PSMA5: variants seen among roughly 807,000 people sequenced by gnomAD.
PSMA5 encodes the protein proteasome 20S subunit alpha 5, also known as proteasome subunit alpha type-5.
Under a neutral mutation model 34.5 loss-of-function variants are expected in PSMA5, and 3 were observed. The ratio of observed to expected loss-of-function variants is 0.09; its 90% CI spans 0.04 to 0.22. The LOEUF (loss-of-function observed/expected upper bound fraction) is 0.22. Ranked by LOEUF, PSMA5 falls within the 10% of genes least tolerant of loss-of-function variation. The pLI is 1.00. For synonymous variants in PSMA5, 88 were observed against 95.8 expected (o/e 0.92, Z 0.47); for missense variants, 120 against 286.1 (o/e 0.42, Z 4.19).
At chr1:109,404,543 C>T (rs1028310153) in intron 8 of PSMA5, among the ~76,000 whole-genome samples, 5 of 152,028 alleles carry the variant, frequency 3.3e-5, no homozygotes, top group East Asian at 1.9e-4. Context: ...AGAACTGGAA[C>T]GCAAATCAAT....
intron 2 of PSMA5, among the ~76,000 whole-genome samples, chr1:109,417,187 C>T (rs1654242790): frequency 6.6e-6 from 1 of 152,144 alleles, no homozygotes; most frequent in African/African-American, 2.4e-5. Context: ...CCACGCCTTC[C>T]TTAAGTCTAT....
At position 109,426,380 on chromosome 1, in the gene PSMA5, A is replaced by G. The variant is rs760604409; in HGVS notation, c.-50T>C. 8 of 1,608,568 alleles carry G rather than the reference A, an allele frequency of 5.0e-6. No individual in the cohort carries two copies. In the African/African-American group the frequency reaches 9.4e-5, roughly 19 times the overall value. On this transcript the variant is annotated 5_prime_UTR_variant, in exon 1 of 9. Coordinates refer to ENST00000271308, the MANE Select transcript of PSMA5 (RefSeq NM_002790.4). Reference sequence around the variant, plus strand: ...CTACGCGGGGATTCTGAGGACCAACACGACTCCACCGGCACCCAACTCACC... The same window carrying G: ...CTACGCGGGGATTCTGAGGACCAACGCGACTCCACCGGCACCCAACTCACC...
intron 8 of PSMA5, among the ~76,000 whole-genome samples, chr1:109,408,696 T>C (rs75565154): frequency 3.0e-5 from 4 of 132,566 alleles, no homozygotes; most frequent in Non-Finnish European, 6.9e-5. Context: ...TTCTTTCAGC[T>C]TTTTTTTTTT....
At position 109,416,997 on chromosome 1, in the gene PSMA5, C is replaced by T. The variant is rs1167092524; in HGVS notation, c.97-1634G>A. On this transcript the variant is annotated intron_variant, in intron 2 of 8. Coordinates refer to ENST00000271308, the MANE Select transcript of PSMA5 (RefSeq NM_002790.4). ...GCGTATGCCTGTACTCCCAGCTACG[C>T]GGAAGGCTGAAACGGTAGGACTGCT... 7.2e-5 allele frequency among the ~76,000 whole-genome samples: 11 copies of T among 152,102 alleles called. No individual in the cohort carries two copies. The East Asian group carries it at 1.2e-3, about 16-fold the overall frequency.
At chr1:109,412,451 T>C (rs1654030781) in intron 4 of PSMA5, 1 of 350,632 alleles carries the variant, frequency 2.9e-6, no homozygotes, top group Non-Finnish European at 5.3e-6. Flanking sequence ...GCACCAAGTT[T>C]ACTCTTTCAA....
intron 6 of PSMA5, among the ~76,000 whole-genome samples, chr1:109,411,570 A>C (rs1406802421): frequency 6.6e-6 from 1 of 152,050 alleles, no homozygotes; most frequent in Non-Finnish European, 1.5e-5. Context: ...ATATATGTAT[A>C]TACATACACA....
rs757922588 is a variant in PSMA5 at position 109,402,007 on chromosome 1, G to T, written c.*6C>A. 1 of 1,596,416 alleles carries T rather than the reference G, an allele frequency of 6.3e-7. No homozygotes were observed. Among genetic ancestry groups the T allele is most frequent in the African/African-American group, 1.3e-5 (1 of 74,440 alleles). On this transcript the variant is annotated 3_prime_UTR_variant, in exon 9 of 9. Transcript: ENST00000271308. ...GTCCCAGAGAAGTTCTGAGGATCAG[G>T]ATTCCTTAAATGTCCTTGATAACCT...
rs1194474021 is a variant in PSMA5, at chr1:109,413,154, A to G, written c.224-19T>C. ...GCACAACCTGCAATGTAAAAGCGACAGTGACCCAGTGGCCAAATCCTTGTA... is the reference window on the plus strand; with the variant it reads ...GCACAACCTGCAATGTAAAAGCGACGGTGACCCAGTGGCCAAATCCTTGTA... On this transcript the variant is annotated intron_variant, in intron 3 of 8. Coordinates refer to ENST00000271308, the MANE Select transcript of PSMA5 (RefSeq NM_002790.4). 1 of 1,611,386 alleles carries G rather than the reference A, an allele frequency of 6.2e-7. No individual in the cohort carries two copies. The highest frequency in any genetic ancestry group is 8.5e-7 in the Non-Finnish European group (1 of 1,177,586).
At position 109,400,797 on chromosome 1, in the gene PSMA5, A is replaced by G. The variant is rs1285793175; in HGVS notation, c.*1216T>C. 6.6e-6 allele frequency: 1 copy of G among 152,216 alleles called. No homozygotes were observed. Among genetic ancestry groups the G allele is most frequent in the African/African-American group, 2.4e-5 (1 of 41,458 alleles). The allele number at this position is 152,216 out of a possible 1,614,324, so 9.4% of individuals were successfully genotyped here. A position where few individuals can be genotyped will look rare whatever the true frequency, so the allele number is the denominator to read the frequency against. Reference sequence around the variant, plus strand: ...TAACATATAGTACAACTTCCTACACATCAATATACCCAGAGCCCAGCAAAT... The same window carrying G: ...TAACATATAGTACAACTTCCTACACGTCAATATACCCAGAGCCCAGCAAAT... On this transcript the variant is annotated 3_prime_UTR_variant, in exon 9 of 9. Transcript: ENST00000271308.
chr1:109,408,421 C>T (rs1358760799), intron 8 of PSMA5, among the ~76,000 whole-genome samples: 1 of 152,198 alleles, frequency 6.6e-6, no homozygotes, highest in Non-Finnish European at 1.5e-5. Flanking sequence ...TACATACTCA[C>T]AGGAATCTGT....
rs563921312 is a variant in PSMA5 at position 109,417,169 on chromosome 1, C to T, written c.97-1806G>A. 2.6e-5 allele frequency among the ~76,000 whole-genome samples: 4 copies of T among 152,276 alleles called. No homozygotes were observed. The South Asian group carries it at 8.3e-4, about 32-fold the overall frequency. ...TTAAAGGTGCAGACTAAAGACATAACATTAGTTCCACGCCTTCCTTAAGTC... is the reference window on the plus strand; with the variant it reads ...TTAAAGGTGCAGACTAAAGACATAATATTAGTTCCACGCCTTCCTTAAGTC... On this transcript the variant is annotated intron_variant, in intron 2 of 8. Coordinates refer to ENST00000271308, the MANE Select transcript of PSMA5 (RefSeq NM_002790.4).
At chr1:109,425,657 G>A (rs1654625201) in intron 1 of PSMA5, 1 of 152,478 alleles carries the variant, frequency 6.6e-6, no homozygotes, top group South Asian at 2.0e-4. Context: ...GCATATATAT[G>A]TACAACTTAA....
At chr1:109,414,679 T>C (rs1344671310) in intron 3 of PSMA5, 2 of 152,250 alleles carry the variant, frequency 1.3e-5, no homozygotes, top group Non-Finnish European at 2.9e-5. Flanking sequence ...AGAGTCACCA[T>C]GGCATTTGGT....
chr1:109,425,130 CCAGCACCTAGAA>C (rs1212599948), intron 1 of PSMA5, among the ~76,000 whole-genome samples: 2 of 152,222 alleles, frequency 1.3e-5, no homozygotes, highest in Non-Finnish European at 2.9e-5. Context: ...TGCTGTAGCA[CCAGCACCTAGAA>C]CAGTGCCTTG....
intron 6 of PSMA5, 93 bp from the exon 7 acceptor site, chr1:109,411,206 C>T (rs1653975740): frequency 1.2e-6 from 1 of 812,472 alleles, no homozygotes; most frequent in East Asian, 2.7e-5. Context: ...AAATGCTTGG[C>T]CCTGCAGCCA....
Position 109,413,116 on chromosome 1 carries a change from T to G in PSMA5, c.243A>C (p.Leu81=). ...CAATTAAAGTCTTAGCATCAGCAAT[T>G]AGCCCACTCATGGCACAACCTGCAA... ...DAHIGCAMSG[L]IADAKTLIDK... Residue 81 remains leucine, a synonymous_variant, in exon 4 of 9, where the codon CTA becomes CTC. Coordinates refer to ENST00000271308, the MANE Select transcript of PSMA5 (RefSeq NM_002790.4). 6.2e-7 allele frequency: 1 copy of G among 1,613,964 alleles called. No homozygotes were observed. The highest frequency in any genetic ancestry group is 8.5e-7 in the Non-Finnish European group (1 of 1,179,858).
At chr1:109,402,942 T>G (rs1653597420) in intron 8 of PSMA5, among the ~76,000 whole-genome samples, 1 of 152,152 alleles carries the variant, frequency 6.6e-6, no homozygotes, top group African/African-American at 2.4e-5. Flanking sequence ...CAACCTCAGG[T>G]GATCTGCCCA....
chr1:109,417,088 G>C (rs1042577777), intron 2 of PSMA5, among the ~76,000 whole-genome samples: 1 of 152,182 alleles, frequency 6.6e-6, no homozygotes, highest in Non-Finnish European at 1.5e-5. Flanking sequence ...CTGGACAACA[G>C]AGTGAGACCC....
At chr1:109,425,598 G>A (rs550674411) in intron 1 of PSMA5, 8 of 152,346 alleles carry the variant, frequency 5.3e-5, no homozygotes, top group African/African-American at 1.9e-4. Flanking sequence ...GAGTAGCTAT[G>A]TAAAAACTTA....
Sources: gnomAD v4.1 joint callset for allele counts (sites outside exome capture counted in the v4.1 genomes callset) on GRCh38, gnomAD v4.1.1 for gene constraint, MANE v1.5 for transcripts, NCBI Gene and HGNC (gene_info 2026-07-23, HGNC 2026-07-21) for gene names.